The following UNC5B variants were observed in gnomAD, a reference collection of about 807,000 sequenced individuals.
UNC5B encodes unc-5 netrin receptor B.
UNC5B carries 56 observed loss-of-function variants against 103.7 expected under a neutral mutation model. That is an observed-to-expected ratio of 0.54 (90% CI 0.44 to 0.67). UNC5B has a LOEUF of 0.67. UNC5B is among the 30% of genes least tolerant of loss of function. The pLI, the probability that UNC5B is intolerant of heterozygous loss-of-function variation, is 0.00. For missense variants in UNC5B, 1,194 were observed against 1,284.5 expected, an observed-to-expected ratio of 0.93 and a Z score of 1.08; for synonymous variants, 577 against 542.0, an observed-to-expected ratio of 1.06 and a Z score of -0.90.
At chr10:71,277,494 G>A (rs1844799983) in intron 1 of UNC5B, among the ~76,000 whole-genome samples, 1 of 152,230 alleles carries the variant, frequency 6.6e-6, no homozygotes, top group Non-Finnish European at 1.5e-5. Flanking sequence ...TGCCCTCCTG[G>A]CTCCATCCTG....
intron 1 of UNC5B, among the ~76,000 whole-genome samples, chr10:71,250,719 T>C (rs1198833569): frequency 6.6e-6 from 1 of 152,130 alleles, no homozygotes; most frequent in Admixed American, 6.5e-5. Context: ...AATTCTAAAG[T>C]ATTGTTGCTG....
chr10:71,282,604 T>C (rs1844958859), intron 2 of UNC5B, among the ~76,000 whole-genome samples: 1 of 152,110 alleles, frequency 6.6e-6, no homozygotes, highest in African/African-American at 2.4e-5. Context: ...TCATGCATCA[T>C]TGACTGTGGA....
chr10:71,276,234 G>A lies in UNC5B; in HGVS notation c.80-3587G>A, dbSNP rs186968308. ...AAAACGTTTGTGCATCTCTGTCTAG[G>A]GTTATTATGGAGCTCATTGAGTTCA... On this transcript the variant is annotated intron_variant, in intron 1 of 16. Transcript: ENST00000335350. 2.8e-3 allele frequency among the ~76,000 whole-genome samples: 429 copies of A among 152,150 alleles called. 3 individuals carry two copies. Among genetic ancestry groups the A allele is most frequent in the African/African-American group, 9.9e-3 (412 of 41,520 alleles).
Position 71,291,084 on chromosome 10 carries a change from C to G in UNC5B, c.1269C>G (p.Pro423=), listed in dbSNP as rs373608708. ...CTGCCCTGACTGGTGGTTTCCACCC[C>G]GTCAACTTTAAGACGGCAAGGCCCA... ...SSAALTGGFH[P]VNFKTARPSN... The change falls in exon 9 of 17, where the codon CCC becomes CCG. Residue 423 remains proline, a synonymous_variant. Transcript: ENST00000335350. 6.2e-7 allele frequency: 1 copy of G among 1,613,970 alleles called. No individual in the cohort carries two copies. Among genetic ancestry groups the G allele is most frequent in the East Asian group, 2.2e-5 (1 of 44,874 alleles).
rs576340065 is a variant in UNC5B, at chr10:71,243,861, G to A, written c.79+30797G>A. Among the ~76,000 whole-genome samples, 165 of 152,354 alleles carry A rather than the reference G, an allele frequency of 1.1e-3. 5 individuals are homozygous for A. In the South Asian group the frequency reaches 0.031, roughly 29 times the overall value. ...GTTCTAACCAAATACCAGGCACTGC[G>A]TGAAGGACCTTATGTATCAGGCTGC... On this transcript the variant is annotated intron_variant, in intron 1 of 16. Coordinates refer to ENST00000335350, the MANE Select transcript of UNC5B (RefSeq NM_170744.5).
At chr10:71,277,956 C>T (rs1844810950) in intron 1 of UNC5B, among the ~76,000 whole-genome samples, 1 of 152,214 alleles carries the variant, frequency 6.6e-6, no homozygotes, top group South Asian at 2.1e-4. Flanking sequence ...GAGACACCTA[C>T]ACCATTACAG....
chr10:71,229,957 G>A (rs1843651050), intron 1 of UNC5B, among the ~76,000 whole-genome samples: 1 of 152,126 alleles, frequency 6.6e-6, no homozygotes, highest in Non-Finnish European at 1.5e-5. Context: ...TTGACTCTGA[G>A]CTTCTCAAGA....
chr10:71,216,455 G>A (rs961154105), intron 1 of UNC5B, among the ~76,000 whole-genome samples: 2 of 152,160 alleles, frequency 1.3e-5, no homozygotes, highest in African/African-American at 4.8e-5. Context: ...GTGCCCAAAG[G>A]TGGCTCCCCC....
chr10:71,285,435 CG>C lies in UNC5B; in HGVS notation c.552+10del, dbSNP rs1845049832. ...AGGGGGTGCCTGTGGCCGAGGTGAGCGGGGACGTAGGGACCACTGAGCACGG... is the reference window on the plus strand; with the variant it reads ...AGGGGGTGCCTGTGGCCGAGGTGAGCGGGACGTAGGGACCACTGAGCACGG... On this transcript the variant is annotated splice_region_variant and intron_variant, in intron 4 of 16. Coordinates refer to ENST00000335350, the MANE Select transcript of UNC5B (RefSeq NM_170744.5). 1.3e-6 allele frequency: 2 copies of C among 1,582,778 alleles called. No homozygotes were observed. The highest frequency in any genetic ancestry group is 8.6e-7 in the Non-Finnish European group (1 of 1,167,242).
At chr10:71,269,343 T>TCCCCCC (rs3059586) in intron 1 of UNC5B, among the ~76,000 whole-genome samples, 22 of 130,330 alleles carry the variant, frequency 1.7e-4, no homozygotes, top group Non-Finnish European at 2.9e-4. Flanking sequence ...AAAAATGAAG[T>TCCCCCC]CCCCCCCCCA....
Position 71,280,164 on chromosome 10 carries a change from T to G in UNC5B, c.304+119T>G, listed in dbSNP as rs994251215. On this transcript the variant is annotated intron_variant, in intron 2 of 16. Transcript: ENST00000335350. Reference sequence around the variant, plus strand: ...CCCCTTGGATTAGCATTTCCCCAAGTGCTGGCCACATGTCCCAGCCTGACT... The same window carrying G: ...CCCCTTGGATTAGCATTTCCCCAAGGGCTGGCCACATGTCCCAGCCTGACT... 12 of 1,139,312 alleles carry G rather than the reference T, an allele frequency of 1.1e-5. No homozygotes were observed. The African/African-American group carries it at 1.7e-4, about 16-fold the overall frequency. The allele number at this position is 1,139,312 out of a possible 1,614,324, so 70.6% of individuals were successfully genotyped here. A position where few individuals can be genotyped will look rare whatever the true frequency, so the allele number is the denominator to read the frequency against.
intron 1 of UNC5B, among the ~76,000 whole-genome samples, chr10:71,229,183 C>T (rs116510835): frequency 0.013 from 2,047 of 152,306 alleles, 47 homozygotes; most frequent in African/African-American, 0.047. Context: ...TCCCACAGGC[C>T]AGTCAGCCAG....
chr10:71,279,846 C>T lies in UNC5B; in HGVS notation c.105C>T (p.Leu35=), dbSNP rs746537465. The T allele has an allele frequency of 1.4e-5, 23 of 1,613,566 alleles. No homozygotes were observed. Among genetic ancestry groups the T allele is most frequent in the East Asian group, 2.2e-5 (1 of 44,888 alleles). Residue 35 remains leucine, a synonymous_variant, in exon 2 of 17, where the codon CTC becomes CTT. Transcript: ENST00000335350. ...GCACTGATTCTGGCAGCGAGGTGCT[C>T]CCTGACTCCTTCCCGTCAGCGCCAG... is the stretch of plus-strand genomic sequence containing the variant. ...QAGTDSGSEV[L]PDSFPSAPAE...
intron 1 of UNC5B, chr10:71,217,442 C>T (rs572185227): frequency 6.6e-6 from 1 of 152,314 alleles, no homozygotes; most frequent in Admixed American, 6.5e-5. Context: ...CATGCATTTC[C>T]CTGAGGCAGG....
intron 14 of UNC5B, 44 bp from the exon 15 acceptor site, chr10:71,296,534 C>T (rs760288053): frequency 6.2e-7 from 1 of 1,604,156 alleles, no homozygotes; most frequent in Non-Finnish European, 8.5e-7. Flanking sequence ...GAGGACAGGG[C>T]AGGCTGGCCT....
intron 1 of UNC5B, among the ~76,000 whole-genome samples, chr10:71,260,138 G>A (rs1054450778): frequency 3.9e-5 from 6 of 152,338 alleles, no homozygotes; most frequent in Admixed American, 1.3e-4. Flanking sequence ...GGTGGCCACC[G>A]CTCTGGCCAC....
In UNC5B at chr10:71,225,899, G is replaced by A. The variant is rs532240367; in HGVS notation, c.79+12835G>A. On this transcript the variant is annotated intron_variant, in intron 1 of 16. Coordinates refer to ENST00000335350, the MANE Select transcript of UNC5B (RefSeq NM_170744.5). ...TACCTGCTGGCAGCACACCTGGCTG[G>A]CCACACCTTGCCAGCCCCTCACACG... Among the ~76,000 whole-genome samples the A allele has an allele frequency of 5.9e-5, 8 of 136,316 alleles. No individual in the cohort carries two copies. In the East Asian group the frequency reaches 1.5e-3, roughly 26 times the overall value. The allele number at this position is 136,316 out of a possible 152,430, so 89.4% of individuals were successfully genotyped here.
At position 71,285,356 on chromosome 10, in the gene UNC5B, T is replaced by A; in HGVS notation, c.479T>A (p.Leu160Gln). ...CGCAAGAACTTCGATCAGGAGCCTC[T>A]GGGCAAGGAGGTGCCCCTGGACCAT... ...YLRKNFDQEP[L>Q]GKEVPLDHEV... Residue 160 changes from leucine to glutamine, a missense_variant, in exon 4 of 17, where the codon CTG becomes CAG. Leu to Gln is a moderately radical substitution (Grantham distance 113). Coordinates refer to ENST00000335350, the MANE Select transcript of UNC5B (RefSeq NM_170744.5). The A allele has an allele frequency of 1.2e-6, 2 of 1,611,544 alleles. No individual in the cohort carries two copies. Among genetic ancestry groups the A allele is most frequent in the Non-Finnish European group, 1.7e-6 (2 of 1,179,194 alleles).
intron 2 of UNC5B, among the ~76,000 whole-genome samples, chr10:71,281,076 ACT>A (rs1468396144): frequency 6.8e-6 from 1 of 146,906 alleles, no homozygotes; most frequent in African/African-American, 2.5e-5. Flanking sequence ...TCTCTGTCTC[ACT>A]CTCTGTCTCC....
Sources: allele counts gnomAD v4.1 joint callset (sites outside exome capture counted in the v4.1 genomes callset), GRCh38; gene constraint gnomAD v4.1.1; transcripts MANE v1.5; gene names NCBI Gene and HGNC (gene_info 2026-07-23, HGNC 2026-07-21).